The following MECOM variants were observed in gnomAD, a reference collection of about 807,000 sequenced individuals.
MECOM encodes the protein histone-lysine N-methyltransferase MECOM.
In MECOM, 13 loss-of-function variants were observed where a neutral mutation model predicts 116.3. That is an observed-to-expected ratio of 0.11 (90% CI 0.07 to 0.18). The LOEUF (loss-of-function observed/expected upper bound fraction) is 0.18, where lower values mean the gene tolerates loss of function less well. MECOM is among the 10% of genes least tolerant of loss of function. The pLI is 1.00. For missense variants in MECOM, 1,299 were observed against 1,509.0 expected (o/e 0.86, Z 2.31); for synonymous variants, 528 against 535.2 (o/e 0.99, Z 0.19).
chr3:169,536,923 T>C (rs1364982454), intron 1 of MECOM, among the ~76,000 whole-genome samples: 2 of 152,210 alleles, frequency 1.3e-5, no homozygotes, highest in South Asian at 2.1e-4. Context: ...TTGTTGTTCT[T>C]ATTCCTATTT....
chr3:169,134,697 A>G (rs1210131670), intron 3 of MECOM, among the ~76,000 whole-genome samples: 2 of 152,176 alleles, frequency 1.3e-5, no homozygotes, highest in African/African-American at 4.8e-5. Context: ...CTTAAGCAAC[A>G]TTGTTTTCCT....
intron 1 of MECOM, among the ~76,000 whole-genome samples, chr3:169,589,081 G>C (rs1218893226): frequency 2.0e-5 from 3 of 152,004 alleles, no homozygotes; most frequent in Non-Finnish European, 4.4e-5. Flanking sequence ...AATTCAGAAA[G>C]TAAACCCTAC....
intron 2 of MECOM, among the ~76,000 whole-genome samples, chr3:169,323,993 CAGCCCAGCCGA>C (rs1385654402): frequency 2.0e-5 from 3 of 152,144 alleles, no homozygotes; most frequent in Non-Finnish European, 4.4e-5. Context: ...GCTATGACAT[CAGCCCAGCCGA>C]AGCCCAGCTC....
intron 2 of MECOM, among the ~76,000 whole-genome samples, chr3:169,252,312 A>G (rs144298446): frequency 6.6e-6 from 1 of 152,022 alleles, no homozygotes; most frequent in Non-Finnish European, 1.5e-5. Context: ...GAGATGGGGG[A>G]GAAGATATGC....
intron 1 of MECOM, among the ~76,000 whole-genome samples, chr3:169,636,988 C>T (rs1275093695): frequency 6.6e-6 from 1 of 152,116 alleles, no homozygotes; most frequent in Non-Finnish European, 1.5e-5. Flanking sequence ...GTGTAGTCTC[C>T]TCTTCTCAAA....
At chr3:169,374,140 CCTCT>C (rs372698429) in intron 2 of MECOM, among the ~76,000 whole-genome samples, 16 of 148,230 alleles carry the variant, frequency 1.1e-4, no homozygotes, top group African/African-American at 2.7e-4. Context: ...TCTCTCTCTC[CCTCT>C]CTCTCTCTCT....
In MECOM at chr3:169,084,939, G is replaced by A; in HGVS notation, c.3690C>T (p.Ser1230=). 1 of 1,614,086 alleles carries A rather than the reference G, an allele frequency of 6.2e-7. No homozygotes were observed. Residue 1230 remains serine, a synonymous_variant, in exon 17 of 17, where the codon TCC becomes TCT. Coordinates refer to ENST00000651503, the MANE Select transcript of MECOM (RefSeq NM_004991.4). ...CGTGGCTTATGGACTGGATAGCACTGGATTCCGCCGCAGCCCTGGCCATAC... is the reference window on the plus strand; with the variant it reads ...CGTGGCTTATGGACTGGATAGCACTAGATTCCGCCGCAGCCCTGGCCATAC... ...WHSMARAAAE[S]SAIQSISHV
intron 2 of MECOM, among the ~76,000 whole-genome samples, chr3:169,315,114 C>T (rs969130634): frequency 6.6e-6 from 1 of 152,130 alleles, no homozygotes; most frequent in Non-Finnish European, 1.5e-5. Flanking sequence ...CCCAGTGCCA[C>T]CCACGCTGCT....
intron 1 of MECOM, among the ~76,000 whole-genome samples, chr3:169,430,422 A>C (rs1578077062): frequency 6.6e-6 from 1 of 152,162 alleles, no homozygotes; most frequent in Non-Finnish European, 1.5e-5. Flanking sequence ...TATCATTTTC[A>C]TTCATATTTT....
intron 1 of MECOM, among the ~76,000 whole-genome samples, chr3:169,589,681 CA>C (rs1307004317): frequency 3.9e-5 from 6 of 152,158 alleles, no homozygotes; most frequent in Admixed American, 3.9e-4. Context: ...CTAGTCCATA[CA>C]GCAAGCTCTG....
At chr3:169,600,880 A>C (rs930133752) in intron 1 of MECOM, among the ~76,000 whole-genome samples, 1 of 152,252 alleles carries the variant, frequency 6.6e-6, no homozygotes, top group South Asian at 2.1e-4. Flanking sequence ...AAAGTAGAGT[A>C]GAAAGGCCAG....
intron 4 of MECOM, among the ~76,000 whole-genome samples, chr3:169,130,800 AT>A (rs35724710): frequency 0.15 from 22,064 of 152,136 alleles, 2,171 homozygotes; most frequent in Non-Finnish European, 0.2. Flanking sequence ...TATATATTAA[AT>A]TTCCATCTCA....
chr3:169,195,343 C>T (rs1748278859), intron 2 of MECOM, among the ~76,000 whole-genome samples: 1 of 152,040 alleles, frequency 6.6e-6, no homozygotes, highest in South Asian at 2.1e-4. Flanking sequence ...ATTGAGAATG[C>T]AAGTCTGAAG....
chr3:169,387,922 C>A (rs1330240657), intron 1 of MECOM, among the ~76,000 whole-genome samples: 1 of 152,060 alleles, frequency 6.6e-6, no homozygotes, highest in African/African-American at 2.4e-5. Flanking sequence ...CCATTATGTT[C>A]CTCATTGCAG....
At chr3:169,434,974 G>A (rs1309549854) in intron 1 of MECOM, among the ~76,000 whole-genome samples, 1 of 152,070 alleles carries the variant, frequency 6.6e-6, no homozygotes, top group Non-Finnish European at 1.5e-5. Context: ...GTATTCATTA[G>A]GCTAGTACAG....
chr3:169,448,816 T>A (rs1745081602), intron 1 of MECOM, among the ~76,000 whole-genome samples: 1 of 152,120 alleles, frequency 6.6e-6, no homozygotes, highest in African/African-American at 2.4e-5. Flanking sequence ...TTGAGGAGGG[T>A]GGAAAATCAT....
chr3:169,175,251 T>G (rs1257552134), intron 2 of MECOM, among the ~76,000 whole-genome samples: 8 of 152,162 alleles, frequency 5.3e-5, no homozygotes, highest in Admixed American at 5.2e-4. Context: ...ATACTACAAG[T>G]TGAGCATTCC....
intron 1 of MECOM, among the ~76,000 whole-genome samples, chr3:169,425,099 A>C (rs1449332361): frequency 2.2e-4 from 32 of 147,404 alleles, no homozygotes; most frequent in African/African-American, 4.5e-4. Context: ...ATTTGCAGAA[A>C]CCCCCCCCCA....
intron 2 of MECOM, among the ~76,000 whole-genome samples, chr3:169,321,074 T>C (rs1720767692): frequency 6.6e-6 from 1 of 152,164 alleles, no homozygotes. Context: ...AGTACAGCCA[T>C]GCCAGGATAG....
Sources: gnomAD v4.1 joint callset for allele counts (sites outside exome capture counted in the v4.1 genomes callset) on GRCh38, gnomAD v4.1.1 for gene constraint, MANE v1.5 for transcripts, NCBI Gene and HGNC (gene_info 2026-07-23, HGNC 2026-07-21) for gene names.